The following MEI4 variants were observed in gnomAD, a reference collection of about 807,000 sequenced individuals.
MEI4 encodes the protein meiosis-specific protein MEI4.
In MEI4, 27 loss-of-function variants were observed where a neutral mutation model predicts 31.4. The ratio of observed to expected loss-of-function variants is 0.86; its 90% CI spans 0.63 to 1.19. MEI4 has a LOEUF of 1.19. Ranked by LOEUF, MEI4 falls within the 50% of genes most tolerant of loss-of-function variation. The pLI is 0.00. For missense variants in MEI4, 329 were observed against 398.9 expected, an observed-to-expected ratio of 0.82 and a Z score of 1.49; for synonymous variants, 122 against 145.4, an observed-to-expected ratio of 0.84 and a Z score of 1.16.
rs556829288 is a variant in MEI4, at chr6:77,753,406, GA to G, written c.233-7715del. Among the ~76,000 whole-genome samples, 213 of 149,024 alleles carry G rather than the reference GA, an allele frequency of 1.4e-3. 1 individual carries two copies. Among genetic ancestry groups the G allele is most frequent in the African/African-American group, 4.6e-3 (186 of 40,584 alleles). ...ACAAAGAACTTAAACAAATTTACAAGAAAAAAAAACAACCCCATCAAAAAGT... is the reference window on the plus strand; with the variant it reads ...ACAAAGAACTTAAACAAATTTACAAGAAAAAAAACAACCCCATCAAAAAGT... On this transcript the variant is annotated intron_variant, in intron 2 of 4. Coordinates refer to ENST00000684080, the MANE Select transcript of MEI4 (RefSeq NM_001322247.2).
At chr6:77,882,670 T>C (rs549386517) in intron 4 of MEI4, among the ~76,000 whole-genome samples, 1 of 152,316 alleles carries the variant, frequency 6.6e-6, no homozygotes, top group South Asian at 2.1e-4. Flanking sequence ...CAGACTACTT[T>C]GTGTAGTCTA....
At chr6:77,883,873 G>T (rs968484613) in intron 4 of MEI4, among the ~76,000 whole-genome samples, 2 of 150,510 alleles carry the variant, frequency 1.3e-5, no homozygotes. Context: ...TTCCTTTCTC[G>T]GATAAATACT....
intron 4 of MEI4, among the ~76,000 whole-genome samples, chr6:77,907,199 C>G (rs982819983): frequency 2.0e-5 from 3 of 151,972 alleles, no homozygotes; most frequent in Admixed American, 2.0e-4. Context: ...AGGTTTGTTA[C>G]ATATGTGTAC....
intron 3 of MEI4, among the ~76,000 whole-genome samples, chr6:77,789,912 C>T (rs1768867436): frequency 6.6e-6 from 1 of 152,080 alleles, no homozygotes; most frequent in Non-Finnish European, 1.5e-5. Flanking sequence ...TGGATATATA[C>T]CCAAAGGACT....
intron 3 of MEI4, among the ~76,000 whole-genome samples, chr6:77,792,988 AG>A (rs1461120776): frequency 6.6e-6 from 1 of 152,192 alleles, no homozygotes; most frequent in Non-Finnish European, 1.5e-5. Flanking sequence ...CTGGGATTAC[AG>A]GCGGGAGCCA....
intron 3 of MEI4, among the ~76,000 whole-genome samples, chr6:77,785,001 A>G (rs909307473): frequency 6.6e-6 from 1 of 152,000 alleles, no homozygotes; most frequent in Non-Finnish European, 1.5e-5. Context: ...GGTATGCCCT[A>G]CTCCCATTCT....
chr6:77,864,113 C>A (rs1200632909), intron 4 of MEI4, among the ~76,000 whole-genome samples: 1 of 152,160 alleles, frequency 6.6e-6, no homozygotes, highest in African/African-American at 2.4e-5. Context: ...TCGGTACCAG[C>A]CACTGCAAAA....
intron 1 of MEI4, among the ~76,000 whole-genome samples, chr6:77,666,338 G>C (rs1197347247): frequency 6.6e-6 from 1 of 152,136 alleles, no homozygotes; most frequent in Non-Finnish European, 1.5e-5. Context: ...AGTTAAGGCT[G>C]TTTTTACTTC....
chr6:77,812,741 A>G (rs1769604480), intron 3 of MEI4, among the ~76,000 whole-genome samples: 1 of 152,086 alleles, frequency 6.6e-6, no homozygotes, highest in Non-Finnish European at 1.5e-5. Context: ...TCTATGCAGT[A>G]ATGCCTATTC....
chr6:77,863,743 C>G (rs569176808), intron 4 of MEI4, among the ~76,000 whole-genome samples: 2 of 152,270 alleles, frequency 1.3e-5, no homozygotes, highest in Admixed American at 1.3e-4. Context: ...CACAAAGATA[C>G]TCCTCGAGAA....
At chr6:77,784,614 A>G (rs1335331698) in intron 3 of MEI4, among the ~76,000 whole-genome samples, 1 of 152,194 alleles carries the variant, frequency 6.6e-6, no homozygotes, top group Non-Finnish European at 1.5e-5. Context: ...AGTGTCAATT[A>G]AAGCTGGCAG....
chr6:77,738,941 T>C (rs1442552721), intron 2 of MEI4, among the ~76,000 whole-genome samples: 1 of 152,206 alleles, frequency 6.6e-6, no homozygotes, highest in Non-Finnish European at 1.5e-5. Context: ...TGGGGTTGTT[T>C]TTTTCTTGTA....
chr6:77,748,033 C>A (rs62418032), intron 2 of MEI4, among the ~76,000 whole-genome samples: 20,982 of 152,266 alleles, frequency 0.14, 1,534 homozygotes, highest in Middle Eastern at 0.21. Flanking sequence ...TCTGCTGATG[C>A]AAGGGGTGCC....
chr6:77,787,920 GATTTTTGCATCGATGTTCATC>G (rs1431419957), intron 3 of MEI4, among the ~76,000 whole-genome samples: 5 of 152,100 alleles, frequency 3.3e-5, no homozygotes, highest in African/African-American at 1.2e-4. Flanking sequence ...CAATATTGAG[GATTTTTGCATCGATGTTCATC>G]AGGGATATTG....
chr6:77,797,271 T>C (rs181868965), intron 3 of MEI4, among the ~76,000 whole-genome samples: 74 of 152,296 alleles, frequency 4.9e-4, no homozygotes, highest in Non-Finnish European at 6.6e-4. Context: ...TTCTTTGACA[T>C]TGGTCTTGGC....
rs141474359 is a variant in MEI4 at position 77,713,888 on chromosome 6, G to C, written c.232+22985G>C. ...GCCCCCGTAATAGGTTGTCTGCCATGCTTATTGCCTCTACAGTTTTTTTTT... is the reference window on the plus strand; with the variant it reads ...GCCCCCGTAATAGGTTGTCTGCCATCCTTATTGCCTCTACAGTTTTTTTTT... On this transcript the variant is annotated intron_variant, in intron 2 of 4. Transcript: ENST00000684080. Among the ~76,000 whole-genome samples the C allele has an allele frequency of 8.4e-3, 1,277 of 152,202 alleles. 7 individuals are homozygous for C. Among genetic ancestry groups the C allele is most frequent in the Non-Finnish European group, 0.013 (858 of 68,000 alleles).
chr6:77,782,625 G>T (rs1170886252), intron 3 of MEI4, among the ~76,000 whole-genome samples: 1 of 152,096 alleles, frequency 6.6e-6, no homozygotes, highest in Non-Finnish European at 1.5e-5. Flanking sequence ...ACTTTTAAGG[G>T]GAAAGAGGAT....
chr6:77,699,742 T>A lies in MEI4; in HGVS notation c.232+8839T>A, dbSNP rs150744239. ...CTTTTGGTCTTTGATGATGGTGACG[T>A]ACAGATGGGTTTTTGGTGTGGATGT... On this transcript the variant is annotated intron_variant, in intron 2 of 4. Transcript: ENST00000684080. Among the ~76,000 whole-genome samples the A allele has an allele frequency of 3.9e-3, 591 of 152,326 alleles. 5 individuals are homozygous for A. Among genetic ancestry groups the A allele is most frequent in the African/African-American group, 0.014 (564 of 41,584 alleles).
chr6:77,776,493 G>A (rs1768446428), intron 3 of MEI4, among the ~76,000 whole-genome samples: 1 of 152,020 alleles, frequency 6.6e-6, no homozygotes, highest in South Asian at 2.1e-4. Context: ...TCAGGCTTCT[G>A]GGAACTTTTC....
Sources: gnomAD v4.1 joint callset for allele counts (sites outside exome capture counted in the v4.1 genomes callset) on GRCh38, gnomAD v4.1.1 for gene constraint, MANE v1.5 for transcripts, NCBI Gene and HGNC (gene_info 2026-07-23, HGNC 2026-07-21) for gene names.